Variants in CAST observed in about 807,000 individuals in gnomAD.
The protein encoded by CAST is calpastatin.
CAST carries 76 observed loss-of-function variants against 119.6 expected under a neutral mutation model. The ratio of observed to expected loss-of-function variants is 0.64; its 90% CI spans 0.53 to 0.77. The LOEUF is 0.77. Ranked by LOEUF, CAST falls within the 30% of genes least tolerant of loss-of-function variation. The pLI, the probability that CAST is intolerant of heterozygous loss-of-function variation, is 0.00. For synonymous variants in CAST, 319 were observed against 331.6 expected (o/e 0.96, Z 0.41); for missense variants, 953 against 946.5 (o/e 1.01, Z -0.09).
intron 1 of CAST, among the ~76,000 whole-genome samples, chr5:96,534,726 A>AAGTAAG (rs1561408784): frequency 9.0e-5 from 1 of 11,106 alleles, no homozygotes; most frequent in African/African-American, 2.6e-4. Flanking sequence ...AGAGAGAGAG[A>AAGTAAG]GAGAGAGAGA....
chr5:96,187,696 TC>T, the CAST span, among the ~76,000 whole-genome samples: 2 of 152,210 alleles, frequency 1.3e-5, no homozygotes, highest in Admixed American at 1.3e-4. Flanking sequence ...TCTTTGTATT[TC>T]CCCTAGTGCC....
chr5:96,222,620 G>C, the CAST span, among the ~76,000 whole-genome samples: 1 of 152,054 alleles, frequency 6.6e-6, no homozygotes, highest in Non-Finnish European at 1.5e-5. Flanking sequence ...ATAGATGCTG[G>C]TCAGGATGTG....
chr5:95,995,514 G>C, the CAST span, among the ~76,000 whole-genome samples: 1 of 152,022 alleles, frequency 6.6e-6, no homozygotes, highest in Non-Finnish European at 1.5e-5. Context: ...CAGCAAATTT[G>C]AATACCGCTG....
chr5:96,226,222 C>T, the CAST span, among the ~76,000 whole-genome samples: 3 of 152,206 alleles, frequency 2.0e-5, no homozygotes, highest in African/African-American at 7.2e-5. Context: ...GACTGGGTGT[C>T]TTCCCTTAGT....
chr5:96,225,678 T>C, the CAST span, among the ~76,000 whole-genome samples: 1 of 152,216 alleles, frequency 6.6e-6, no homozygotes, highest in Non-Finnish European at 1.5e-5. Flanking sequence ...GATGATTTTC[T>C]TGAGAGTCTG....
chr5:96,259,207 T>C, the CAST span, among the ~76,000 whole-genome samples: 7 of 152,340 alleles, frequency 4.6e-5, no homozygotes, highest in Admixed American at 4.6e-4. Context: ...CATACATTTA[T>C]GAGATTGGCT....
chr5:96,499,342 C>T, the CAST span, among the ~76,000 whole-genome samples: 27,969 of 152,224 alleles, frequency 0.18, 3,413 homozygotes, highest in African/African-American at 0.34. Context: ...CAAGAACTTT[C>T]GTTTCCAAGT....
chr5:96,118,950 T>A, the CAST span, among the ~76,000 whole-genome samples: 1 of 152,126 alleles, frequency 6.6e-6, no homozygotes, highest in Admixed American at 6.6e-5. Flanking sequence ...ACTCCCTTTG[T>A]GGTACTGGAC....
At chr5:96,274,036 A>G in the CAST span, among the ~76,000 whole-genome samples, 1 of 151,988 alleles carries the variant, frequency 6.6e-6, no homozygotes, top group Admixed American at 6.6e-5. Context: ...CCAAAAATAG[A>G]CCCTGCTTGG....
At chr5:96,055,204 C>G in the CAST span, among the ~76,000 whole-genome samples, 1 of 152,024 alleles carries the variant, frequency 6.6e-6, no homozygotes, top group Non-Finnish European at 1.5e-5. Context: ...CAGACCTTTC[C>G]CTCTTTCCCC....
the CAST span, among the ~76,000 whole-genome samples, chr5:96,280,535 A>AATCTG: frequency 6.6e-6 from 1 of 152,210 alleles, no homozygotes; most frequent in African/African-American, 2.4e-5. Context: ...CTAATCAGAA[A>AATCTG]ATCTGGGTTT....
At chr5:96,429,987 C>T in the CAST span, among the ~76,000 whole-genome samples, 1 of 152,164 alleles carries the variant, frequency 6.6e-6, no homozygotes, top group African/African-American at 2.4e-5. Context: ...GGTAAGCAGG[C>T]AAACACCTGG....
chr5:96,459,071 G>C, the CAST span, among the ~76,000 whole-genome samples: 1 of 152,112 alleles, frequency 6.6e-6, no homozygotes, highest in African/African-American at 2.4e-5. Context: ...AATAAAGTGA[G>C]TGCTTCTATA....
chr5:96,200,996 G>A, the CAST span, among the ~76,000 whole-genome samples: 1 of 152,092 alleles, frequency 6.6e-6, no homozygotes, highest in Non-Finnish European at 1.5e-5. Context: ...TTCAAGTCAT[G>A]TAATAATAAA....
At chr5:96,753,952 G>C in intron 20 of CAST, 108 bp from the exon 21 acceptor site, 1 of 679,514 alleles carries the variant, frequency 1.5e-6, no homozygotes, top group Non-Finnish European at 2.7e-6. Context: ...TTAAAAGATA[G>C]CGTGTGCCTT....
chr5:96,357,687 GA>G, the CAST span, among the ~76,000 whole-genome samples: 2 of 152,172 alleles, frequency 1.3e-5, no homozygotes, highest in African/African-American at 4.8e-5. Context: ...AAGCCGAGTT[GA>G]TTGTGGTGGA....
the CAST span, among the ~76,000 whole-genome samples, chr5:96,017,332 A>C: frequency 2.6e-5 from 4 of 152,234 alleles, no homozygotes. Flanking sequence ...GACAAGTCCC[A>C]AAAGACAACA....
chr5:96,295,411 A>G, the CAST span, among the ~76,000 whole-genome samples: 1 of 152,230 alleles, frequency 6.6e-6, no homozygotes, highest in Non-Finnish European at 1.5e-5. Flanking sequence ...CCTGGGCATG[A>G]CACACTTCTT....
At chr5:96,709,427 C>G (rs1184061015) in intron 3 of CAST, among the ~76,000 whole-genome samples, 1 of 152,200 alleles carries the variant, frequency 6.6e-6, no homozygotes, top group African/African-American at 2.4e-5. Flanking sequence ...TTAGAATTCC[C>G]TCCCCGTTAG....
Sources: gnomAD v4.1 joint callset for allele counts (sites outside exome capture counted in the v4.1 genomes callset) on GRCh38, gnomAD v4.1.1 for gene constraint, MANE v1.5 for transcripts, NCBI Gene and HGNC (gene_info 2026-07-23, HGNC 2026-07-21) for gene names.